Variants in C10orf143 observed in about 807,000 individuals in gnomAD.
The protein encoded by C10orf143 is uncharacterized protein C10orf143.
chr10:130,066,528 G>C (rs13376757), intron 3 of C10orf143: 1 of 152,162 alleles, frequency 6.6e-6, no homozygotes, highest in Admixed American at 6.6e-5. Context: ...GGAACCTTTA[G>C]AAATTGCTCT....
At chr10:130,089,714 C>T (rs1025027263) in intron 1 of C10orf143, among the ~76,000 whole-genome samples, 4 of 152,154 alleles carry the variant, frequency 2.6e-5, no homozygotes, top group Admixed American at 6.5e-5. Context: ...ACATACAGGT[C>T]AATGGCACAG....
At chr10:130,086,660 G>A (rs1861295889) in intron 1 of C10orf143, among the ~76,000 whole-genome samples, 1 of 152,166 alleles carries the variant, frequency 6.6e-6, no homozygotes, top group Non-Finnish European at 1.5e-5. Flanking sequence ...GAAATATTAA[G>A]TATTCCCCAC....
At position 130,101,881 on chromosome 10, in the gene C10orf143, AAAAAC is replaced by A. The variant is rs1861562757; in HGVS notation, c.69+8818_69+8822del. 4.7e-5 allele frequency among the ~76,000 whole-genome samples: 7 copies of A among 148,536 alleles called. No homozygotes were observed. In the East Asian group the frequency reaches 6.0e-4, roughly 13 times the overall value. ...AAAAAAAACCAAAAAAAAAAAAAAA[AAAAAC>A]TTTTTCAGAATATAGAAGTTAAAAA... On this transcript the variant is annotated intron_variant, in intron 1 of 3. Transcript: ENST00000637128.
At position 130,098,845 on chromosome 10, in the gene C10orf143, G is replaced by A. The variant is rs533801640; in HGVS notation, c.69+11859C>T. Among the ~76,000 whole-genome samples, 14 of 152,262 alleles carry A rather than the reference G, an allele frequency of 9.2e-5. No individual in the cohort carries two copies. The South Asian group carries it at 2.9e-3, about 32-fold the overall frequency. ...CTCATGCCTGTAATCCTAGCACTTT[G>A]GGAGGCCGAGGTGGGTGGATCACTG... On this transcript the variant is annotated intron_variant, in intron 1 of 3. Transcript: ENST00000637128.
chr10:130,097,068 C>G (rs1419078024), intron 1 of C10orf143, among the ~76,000 whole-genome samples: 1 of 151,478 alleles, frequency 6.6e-6, no homozygotes, highest in Non-Finnish European at 1.5e-5. Flanking sequence ...TCAAGCGATT[C>G]TCCTGCCTCA....
intron 3 of C10orf143, among the ~76,000 whole-genome samples, chr10:130,064,615 A>G (rs1372377742): frequency 6.6e-6 from 1 of 152,206 alleles, no homozygotes; most frequent in African/African-American, 2.4e-5. Context: ...CTTTCAATAA[A>G]TGTTACTTCC....
At chr10:130,079,937 T>C in intron 1 of C10orf143, 36 bp from the exon 2 acceptor site, 1 of 398,632 alleles carries the variant, frequency 2.5e-6, no homozygotes, top group Non-Finnish European at 4.4e-6. Flanking sequence ...GATGGTCTCA[T>C]AAAGCACACA....
At chr10:130,075,678 G>A (rs1406738067) in intron 3 of C10orf143, among the ~76,000 whole-genome samples, 1 of 152,164 alleles carries the variant, frequency 6.6e-6, no homozygotes, top group African/African-American at 2.4e-5. Context: ...GAAGGGAGCT[G>A]GTGGGAGGTG....
chr10:130,101,212 C>T (rs1861544599), intron 1 of C10orf143: 3 of 148,868 alleles, frequency 2.0e-5, no homozygotes, highest in South Asian at 4.2e-4. Flanking sequence ...GAGACTCTGT[C>T]TGGGGAAAAA....
chr10:130,042,669 C>T lies in C10orf143; in HGVS notation c.298-6699G>A, dbSNP rs187856926. On this transcript the variant is annotated intron_variant and NMD_transcript_variant, in intron 3 of 5. Transcript: ENST00000643056. ...GCTGTCAGGTTTGGATCCACCTCTC[C>T]GTCCTTTGATCCAGAGCTGCCGAAA... Among the ~76,000 whole-genome samples, 429 of 152,300 alleles carry T rather than the reference C, an allele frequency of 2.8e-3. 3 individuals carry two copies. Among genetic ancestry groups the T allele is most frequent in the African/African-American group, 9.7e-3 (405 of 41,558 alleles).
intron 3 of C10orf143, among the ~76,000 whole-genome samples, chr10:130,054,710 G>A (rs1255986895): frequency 6.6e-6 from 1 of 152,178 alleles, no homozygotes; most frequent in African/African-American, 2.4e-5. Flanking sequence ...TGGGTGTGAG[G>A]TGGTATCTCA....
intron 1 of C10orf143, among the ~76,000 whole-genome samples, chr10:130,109,383 C>T (rs611113): frequency 0.92 from 140,305 of 152,088 alleles, 64,799 homozygotes; most frequent in East Asian, 0.97. Context: ...CTTAGGTCCC[C>T]GCATATCCCC....
Position 130,108,233 on chromosome 10 carries a change from C to G in C10orf143, c.69+2471G>C, listed in dbSNP as rs538921464. 5.2e-6 allele frequency: 8 copies of G among 1,552,030 alleles called. No individual in the cohort carries two copies. The African/African-American group carries it at 6.8e-5, about 13-fold the overall frequency. On this transcript the variant is annotated intron_variant, in intron 1 of 3. Transcript: ENST00000637128. ...TCCAGGAACCAGGTTTGGAGCTTCT[C>G]GAGATTATTTTCCACCAGGGGATTT...
intron 1 of C10orf143, among the ~76,000 whole-genome samples, chr10:130,080,274 T>C (rs564247120): frequency 4.1e-4 from 63 of 152,370 alleles, no homozygotes; most frequent in African/African-American, 1.5e-3. Flanking sequence ...TCAAGTTACA[T>C]ACTTTCTTAA....
intron 3 of C10orf143, among the ~76,000 whole-genome samples, chr10:130,071,335 A>G (rs1861030077): frequency 6.6e-6 from 1 of 152,142 alleles, no homozygotes; most frequent in Admixed American, 6.5e-5. Context: ...TACCTCACTC[A>G]CAGTTATAGC....
intron 1 of C10orf143, among the ~76,000 whole-genome samples, chr10:130,101,885 ACTT>A (rs1861563437): frequency 7.3e-6 from 1 of 136,216 alleles, no homozygotes; most frequent in Non-Finnish European, 1.6e-5. Context: ...AAAAAAAAAA[ACTT>A]TTTCAGAATA....
intron 3 of C10orf143, among the ~76,000 whole-genome samples, chr10:130,046,233 G>T (rs1010486266): frequency 6.6e-6 from 1 of 151,924 alleles, no homozygotes; most frequent in African/African-American, 2.4e-5. Context: ...GGTGGGGCGA[G>T]GCTCGGCGTG....
chr10:130,061,937 T>G (rs1328316635), downstream of C10orf143, among the ~76,000 whole-genome samples: 8 of 132,554 alleles, frequency 6.0e-5, no homozygotes, highest in African/African-American at 8.9e-5. Context: ...GCCAGGGAGG[T>G]GGGGCTGAAG....
intron 3 of C10orf143, among the ~76,000 whole-genome samples, chr10:130,075,946 G>A (rs1364537513): frequency 6.6e-6 from 1 of 151,330 alleles, no homozygotes. Context: ...TCCAGTCTCA[G>A]GTAGTTTTTG....
Sources: allele counts gnomAD v4.1 joint callset (sites outside exome capture counted in the v4.1 genomes callset), GRCh38; gene constraint gnomAD v4.1.1; transcripts MANE v1.5; gene names NCBI Gene and HGNC (gene_info 2026-07-23, HGNC 2026-07-21).